The following LRP1B variants were observed in gnomAD, a reference collection of about 807,000 sequenced individuals.
LRP1B encodes the protein low-density lipoprotein receptor-related protein 1B.
In LRP1B, 217 loss-of-function variants were observed where a neutral mutation model predicts 556.6. The observed-to-expected ratio is 0.39, with a 90% CI of 0.35 to 0.44. The LOEUF (loss-of-function observed/expected upper bound fraction) is 0.44, where lower values mean the gene tolerates loss of function less well. Among genes scored for constraint, LRP1B ranks in the 20% least tolerant of loss-of-function variants. LRP1B has a pLI of 1.00. For synonymous variants in LRP1B, 2,047 were observed against 1,865.8 expected (o/e 1.10, Z -2.50); for missense variants, 5,053 against 5,620.8 (o/e 0.90, Z 3.23).
chr2:141,418,955 A>T (rs1463856143), intron 3 of LRP1B, among the ~76,000 whole-genome samples: 1 of 151,980 alleles, frequency 6.6e-6, no homozygotes, highest in Non-Finnish European at 1.5e-5. Flanking sequence ...TAAGTATTAT[A>T]TTATTTTTAA....
At chr2:141,200,301 T>A (rs1026906510) in intron 6 of LRP1B, among the ~76,000 whole-genome samples, 4 of 152,064 alleles carry the variant, frequency 2.6e-5, no homozygotes, top group Admixed American at 1.3e-4. Context: ...TGAATGGAGC[T>A]GGAGTTCTCA....
At chr2:141,512,294 C>T (rs1055658724) in intron 2 of LRP1B, among the ~76,000 whole-genome samples, 34 of 152,096 alleles carry the variant, frequency 2.2e-4, no homozygotes, top group African/African-American at 8.0e-4. Flanking sequence ...TTGCTGATTG[C>T]CTTAGGTGTG....
At chr2:140,752,722 T>TA (rs1490286573) in intron 35 of LRP1B, among the ~76,000 whole-genome samples, 2 of 152,244 alleles carry the variant, frequency 1.3e-5, no homozygotes, top group African/African-American at 2.4e-5. Context: ...TAAATATACT[T>TA]ATTTTTTTCA....
chr2:140,652,427 T>TA (rs1374172620), intron 41 of LRP1B, among the ~76,000 whole-genome samples: 5 of 151,976 alleles, frequency 3.3e-5, no homozygotes, highest in Non-Finnish European at 7.4e-5. Context: ...AAAAGTTTTT[T>TA]AAAAAAGCAT....
At chr2:142,115,880 A>G (rs1165603556) in intron 1 of LRP1B, among the ~76,000 whole-genome samples, 2 of 118,614 alleles carry the variant, frequency 1.7e-5, no homozygotes, top group African/African-American at 3.2e-5. Context: ...GGGGGAAGTG[A>G]CAGCTCTTCC....
At chr2:142,127,067 CCTTT>C (rs150713736) in intron 1 of LRP1B, among the ~76,000 whole-genome samples, 5,977 of 151,886 alleles carry the variant, frequency 0.039, 165 homozygotes, top group South Asian at 0.096. Flanking sequence ...CATCTAGCAC[CCTTT>C]CTAAGAAAAT....
intron 41 of LRP1B, among the ~76,000 whole-genome samples, chr2:140,630,854 G>C (rs1256842066): frequency 6.6e-6 from 1 of 152,130 alleles, no homozygotes; most frequent in African/African-American, 2.4e-5. Flanking sequence ...TAAGGAGTTG[G>C]GAAGCTGAGG....
At chr2:141,125,681 T>C (rs1265407898) in intron 7 of LRP1B, among the ~76,000 whole-genome samples, 3 of 152,040 alleles carry the variant, frequency 2.0e-5, no homozygotes, top group Non-Finnish European at 4.4e-5. Flanking sequence ...TGTCTCACAA[T>C]GGGAGAAACG....
chr2:141,035,058 G>A (rs1698491205), intron 11 of LRP1B, among the ~76,000 whole-genome samples: 1 of 151,968 alleles, frequency 6.6e-6, no homozygotes, highest in South Asian at 2.1e-4. Flanking sequence ...TCCTTTGTAG[G>A]GACATGGATG....
chr2:140,331,027 A>G (rs1407822124), intron 79 of LRP1B, among the ~76,000 whole-genome samples: 4 of 152,110 alleles, frequency 2.6e-5, no homozygotes, highest in Non-Finnish European at 4.4e-5. Context: ...AGATAGTACT[A>G]CAATAGTATT....
At chr2:142,072,332 C>G (rs1162561749) in intron 1 of LRP1B, among the ~76,000 whole-genome samples, 2 of 151,832 alleles carry the variant, frequency 1.3e-5, no homozygotes, top group African/African-American at 4.8e-5. Context: ...AATTCCATAC[C>G]CTGCTAACAA....
At chr2:142,075,228 A>G (rs1193356587) in intron 1 of LRP1B, among the ~76,000 whole-genome samples, 1 of 152,134 alleles carries the variant, frequency 6.6e-6, no homozygotes. Flanking sequence ...AGGCTTAAGA[A>G]ATATAGGCAA....
In LRP1B at chr2:140,358,011, C is replaced by A. The variant is rs1388857973; in HGVS notation, c.11363G>T (p.Gly3788Val). 1 of 1,611,264 alleles carries A rather than the reference C, an allele frequency of 6.2e-7. No homozygotes were observed. Among genetic ancestry groups the A allele is most frequent in the African/African-American group, 1.3e-5 (1 of 74,716 alleles). ...GCATCCTTGCTCATCTGAACCATCT[C>A]CGCAGTCATCAAGTCGATCACACTG... ...DLQCDRLDDC[G>V]DGSDEQGCRI... The change falls in exon 74 of 91, where the codon GGA becomes GTA. Residue 3788 changes from glycine to valine, a missense_variant. This residue lies in a region of LRP1B where 599 missense variants were observed against 648.4 expected (regional missense o/e 0.92). Coordinates refer to ENST00000389484, the MANE Select transcript of LRP1B (RefSeq NM_018557.3).
intron 2 of LRP1B, among the ~76,000 whole-genome samples, chr2:141,693,824 T>G (rs1489475726): frequency 6.6e-6 from 1 of 152,076 alleles, no homozygotes; most frequent in Non-Finnish European, 1.5e-5. Flanking sequence ...CTCTTGAATT[T>G]GCTGCCCCAA....
At position 140,769,297 on chromosome 2, in the gene LRP1B, T is replaced by G. The variant is rs1367892760; in HGVS notation, c.5674A>C (p.Ile1892Leu). ...ATTTTGTCACTTGGTTCAAGAGGTA[T>G]TCCCCTGATTCCTTCATGAACAGAG... ...MYSVHEGIRG[I>L]PLEPSDKMDA... Residue 1892 changes from isoleucine to leucine, a missense_variant, in exon 35 of 91, where the codon ATA becomes CTA. By Grantham distance (5) the Ile-to-Leu change is conservative. Coordinates refer to ENST00000389484, the MANE Select transcript of LRP1B (RefSeq NM_018557.3). 1.2e-6 allele frequency: 2 copies of G among 1,611,916 alleles called. No individual in the cohort carries two copies. The highest frequency in any genetic ancestry group is 1.3e-5 in the African/African-American group (1 of 74,942).
intron 7 of LRP1B, among the ~76,000 whole-genome samples, chr2:141,180,351 A>AAT (rs1680936902): frequency 6.6e-6 from 1 of 151,628 alleles, no homozygotes; most frequent in Admixed American, 6.6e-5. Context: ...ACTCCATAAA[A>AAT]AAAAAAACAA....
chr2:141,429,550 T>C (rs1305452749), intron 3 of LRP1B, among the ~76,000 whole-genome samples: 1 of 152,188 alleles, frequency 6.6e-6, no homozygotes, highest in African/African-American at 2.4e-5. Flanking sequence ...AGGAAATGTA[T>C]GCCATGGTGG....
chr2:140,657,576 C>CATACAT (rs1164589331), intron 41 of LRP1B, among the ~76,000 whole-genome samples: 1 of 47,514 alleles, frequency 2.1e-5, no homozygotes, highest in African/African-American at 4.0e-5. Flanking sequence ...CACATACATA[C>CATACAT]ATATATATAC....
intron 86 of LRP1B, among the ~76,000 whole-genome samples, chr2:140,252,575 CA>C (rs1311998056): frequency 6.6e-6 from 1 of 151,156 alleles, no homozygotes. Context: ...TAATTCAATA[CA>C]GAAGTAGGAA....
Sources: gnomAD v4.1 joint callset for allele counts (sites outside exome capture counted in the v4.1 genomes callset) on GRCh38, gnomAD v4.1.1 for gene constraint, gnomAD v4.1.1 regional missense constraint, MANE v1.5 for transcripts, NCBI Gene and HGNC (gene_info 2026-07-23, HGNC 2026-07-21) for gene names.